Variants in CTNNA3 observed in about 807,000 individuals in gnomAD.
The protein encoded by CTNNA3 is catenin alpha-3.
A neutral mutation model predicts 95.7 loss-of-function variants in CTNNA3; 76 were observed. The ratio of observed to expected loss-of-function variants is 0.79; its 90% CI spans 0.66 to 0.96. The LOEUF (loss-of-function observed/expected upper bound fraction) is 0.96. CTNNA3 is among the 40% of genes least tolerant of loss of function. CTNNA3 has a pLI of 0.00. For synonymous variants in CTNNA3, 431 were observed against 374.4 expected (o/e 1.15, Z -1.74); for missense variants, 1,191 against 1,089.8 (o/e 1.09, Z -1.31).
chr10:65,957,871 T>C (rs1233192331), intron 17 of CTNNA3, among the ~76,000 whole-genome samples: 1 of 152,110 alleles, frequency 6.6e-6, no homozygotes, highest in African/African-American at 2.4e-5. Flanking sequence ...CTTGGAACTG[T>C]TCTTCTTGAG....
chr10:65,980,722 T>C (rs1004874050), intron 16 of CTNNA3, among the ~76,000 whole-genome samples: 2 of 151,664 alleles, frequency 1.3e-5, no homozygotes, highest in Non-Finnish European at 2.9e-5. Flanking sequence ...ACACACCACA[T>C]AAAAAAATTT....
At chr10:66,988,705 T>TCAC (rs1333192184) in intron 7 of CTNNA3, among the ~76,000 whole-genome samples, 2 of 152,226 alleles carry the variant, frequency 1.3e-5, no homozygotes, top group South Asian at 2.1e-4. Flanking sequence ...TCTGATTAGG[T>TCAC]CACCTCTGAA....
intron 14 of CTNNA3, among the ~76,000 whole-genome samples, chr10:66,097,522 T>C (rs1366425974): frequency 6.6e-6 from 1 of 152,116 alleles, no homozygotes; most frequent in Non-Finnish European, 1.5e-5. Flanking sequence ...AAGTTAGAAA[T>C]GTAACTTTAT....
At chr10:66,616,547 A>T (rs1173439514) in intron 10 of CTNNA3, among the ~76,000 whole-genome samples, 1 of 152,052 alleles carries the variant, frequency 6.6e-6, no homozygotes, top group Non-Finnish European at 1.5e-5. Context: ...AACTCATGTC[A>T]CTATTTCAAA....
chr10:67,314,689 T>C (rs1288982245), intron 5 of CTNNA3, among the ~76,000 whole-genome samples: 2 of 152,214 alleles, frequency 1.3e-5, no homozygotes, highest in African/African-American at 4.8e-5. Flanking sequence ...CATTTGTTCA[T>C]AAAATTATTA....
At chr10:67,186,114 G>C (rs1196285775) in intron 6 of CTNNA3, among the ~76,000 whole-genome samples, 2 of 151,964 alleles carry the variant, frequency 1.3e-5, no homozygotes, top group Non-Finnish European at 2.9e-5. Context: ...GACTATGCAG[G>C]CAATAGAATT....
At chr10:67,494,947 A>T (rs981578083) in intron 5 of CTNNA3, among the ~76,000 whole-genome samples, 1 of 152,204 alleles carries the variant, frequency 6.6e-6, no homozygotes, top group Non-Finnish European at 1.5e-5. Flanking sequence ...TTCACTTTCA[A>T]AAAGAATAAA....
chr10:66,001,944 C>T (rs941742897), intron 15 of CTNNA3, among the ~76,000 whole-genome samples: 3 of 152,046 alleles, frequency 2.0e-5, no homozygotes, highest in African/African-American at 7.2e-5. Context: ...CATAAACTCT[C>T]TCTGTGTGTA....
chr10:66,425,641 T>G (rs12778624), intron 11 of CTNNA3, among the ~76,000 whole-genome samples: 40,098 of 151,796 alleles, frequency 0.26, 5,427 homozygotes, highest in South Asian at 0.39. Flanking sequence ...ATATACACAT[T>G]TGTAGTTTTA....
At chr10:65,954,712 T>C (rs955015274) in intron 17 of CTNNA3, among the ~76,000 whole-genome samples, 15 of 152,208 alleles carry the variant, frequency 9.9e-5, no homozygotes, top group African/African-American at 3.4e-4. Context: ...TGTGGTAGTA[T>C]TTCTGAGGGC....
intron 7 of CTNNA3, among the ~76,000 whole-genome samples, chr10:67,160,218 A>G (rs1042779787): frequency 6.6e-6 from 1 of 152,154 alleles, no homozygotes; most frequent in Admixed American, 6.5e-5. Context: ...AAAAAAGATC[A>G]CAAATATTGA....
At chr10:65,983,707 C>A (rs2078369591) in intron 16 of CTNNA3, among the ~76,000 whole-genome samples, 1 of 151,164 alleles carries the variant, frequency 6.6e-6, no homozygotes, top group Non-Finnish European at 1.5e-5. Context: ...TTTTTTGAGA[C>A]CGCCATTTTG....
intron 7 of CTNNA3, among the ~76,000 whole-genome samples, chr10:66,844,219 T>C (rs934171187): frequency 6.6e-6 from 1 of 152,244 alleles, no homozygotes; most frequent in African/African-American, 2.4e-5. Context: ...ATGACTACTC[T>C]TGTTCTTTTT....
intron 7 of CTNNA3, among the ~76,000 whole-genome samples, chr10:66,931,379 G>A (rs142889852): frequency 6.6e-6 from 1 of 152,106 alleles, no homozygotes; most frequent in Non-Finnish European, 1.5e-5. Flanking sequence ...CAGTGCCACA[G>A]TCTTGTAAGC....
intron 1 of CTNNA3, among the ~76,000 whole-genome samples, chr10:67,695,595 G>A (rs1292870304): frequency 2.0e-5 from 3 of 152,128 alleles, no homozygotes; most frequent in African/African-American, 7.2e-5. Flanking sequence ...CTATGAATTA[G>A]CTTTTGGTTG....
At chr10:67,123,514 TA>T (rs1859567007) in intron 7 of CTNNA3, among the ~76,000 whole-genome samples, 1 of 152,186 alleles carries the variant, frequency 6.6e-6, no homozygotes, top group Non-Finnish European at 1.5e-5. Flanking sequence ...CTTTTTACTT[TA>T]AATCATTAAC....
intron 12 of CTNNA3, among the ~76,000 whole-genome samples, chr10:66,320,644 A>T (rs999067818): frequency 7.2e-5 from 11 of 152,092 alleles, no homozygotes; most frequent in African/African-American, 2.7e-4. Flanking sequence ...ACCCAGCCTG[A>T]GACATTCTGT....
intron 7 of CTNNA3, among the ~76,000 whole-genome samples, chr10:66,902,473 A>G (rs1845794391): frequency 6.6e-6 from 1 of 152,212 alleles, no homozygotes; most frequent in African/African-American, 2.4e-5. Flanking sequence ...TAAAAGAACC[A>G]GAGAAGCAAG....
At chr10:66,275,864 A>G (rs1218664879) in intron 13 of CTNNA3, among the ~76,000 whole-genome samples, 1 of 152,156 alleles carries the variant, frequency 6.6e-6, no homozygotes, top group Non-Finnish European at 1.5e-5. Context: ...AGAAATTTAT[A>G]GAAGTTGTGA....
Sources: gnomAD v4.1 joint callset for allele counts (sites outside exome capture counted in the v4.1 genomes callset) on GRCh38, gnomAD v4.1.1 for gene constraint, MANE v1.5 for transcripts, NCBI Gene and HGNC (gene_info 2026-07-23, HGNC 2026-07-21) for gene names.